SEC24A: variants seen among roughly 807,000 people sequenced by gnomAD.
The protein encoded by SEC24A is SEC24 homolog A, COPII component, also known as protein transport protein Sec24A.
A neutral mutation model predicts 129.4 loss-of-function variants in SEC24A; 93 were observed. The ratio of observed to expected loss-of-function variants is 0.72; its 90% confidence interval spans 0.61 to 0.85. The LOEUF is 0.85. SEC24A is among the 40% of genes least tolerant of loss of function. The probability of loss-of-function intolerance (pLI) is 0.00; values close to 1 mark genes in which losing one functional copy is unlikely to be tolerated. For missense variants in SEC24A, 1,264 were observed against 1,307.4 expected (o/e 0.97, Z 0.51); for synonymous variants, 460 against 467.3 (o/e 0.98, Z 0.20).
rs758037066 is a variant in SEC24A, at chr5:134,677,095, T to C, written c.1254+970T>C. Among the ~76,000 whole-genome samples, 4 of 152,298 alleles carry C rather than the reference T, an allele frequency of 2.6e-5. No individual in the cohort carries two copies. The South Asian group carries it at 6.2e-4, about 24-fold the overall frequency. ...AATTTGTTATTTTAAAAAGTTGTTT[T>C]AAGCCAGACATGGTGGCTCATGGCC... On this transcript the variant is annotated intron_variant, in intron 7 of 22. Transcript: ENST00000398844.
chr5:134,673,143 A>G (rs528052851), intron 4 of SEC24A, among the ~76,000 whole-genome samples: 3 of 143,046 alleles, frequency 2.1e-5, no homozygotes, highest in African/African-American at 7.8e-5. Context: ...GCAACCTCCA[A>G]CTCCCTGGTT....
intron 6 of SEC24A, among the ~76,000 whole-genome samples, chr5:134,675,503 A>T (rs1046051223): frequency 6.6e-6 from 1 of 152,210 alleles, no homozygotes; most frequent in African/African-American, 2.4e-5. Flanking sequence ...TCCAAAGTAC[A>T]GGGATTTGTT....
chr5:134,711,594 C>T (rs1046076281), intron 18 of SEC24A, among the ~76,000 whole-genome samples: 4 of 145,460 alleles, frequency 2.7e-5, no homozygotes, highest in Non-Finnish European at 4.5e-5. Flanking sequence ...TTAACAGTCT[C>T]GCTATGTCGC....
At chr5:134,695,435 TGAG>T (rs1163260585) in intron 13 of SEC24A, among the ~76,000 whole-genome samples, 2 of 151,932 alleles carry the variant, frequency 1.3e-5, no homozygotes, top group Non-Finnish European at 2.9e-5. Context: ...GCGGATAACC[TGAG>T]GTCAGGAGTT....
At chr5:134,693,698 A>T (rs1277683619) in intron 12 of SEC24A, 29 bp from the exon 13 acceptor site, 1 of 1,607,058 alleles carries the variant, frequency 6.2e-7, no homozygotes, top group African/African-American at 1.3e-5. Context: ...TAATTATGAC[A>T]CTTGAGTTTT....
intron 21 of SEC24A, among the ~76,000 whole-genome samples, chr5:134,722,609 T>C (rs572086196): frequency 6.6e-6 from 1 of 151,994 alleles, no homozygotes; most frequent in South Asian, 2.1e-4. Context: ...TAAAAAACAA[T>C]GGCAAAGTTA....
chr5:134,678,223 CTT>C, intron 7 of SEC24A, among the ~76,000 whole-genome samples: 1 of 152,082 alleles, frequency 6.6e-6, no homozygotes, highest in Non-Finnish European at 1.5e-5. Context: ...GTAGGATAAA[CTT>C]TAACTAGGAG....
chr5:134,654,691 G>A (rs1364626699), intron 1 of SEC24A, among the ~76,000 whole-genome samples: 1 of 151,976 alleles, frequency 6.6e-6, no homozygotes, highest in African/African-American at 2.4e-5. Context: ...AACTTGCAAA[G>A]CCAGTTAGAA....
At chr5:134,704,053 TTTA>T in intron 16 of SEC24A, 121 bp downstream of exon 16, 1 of 157,748 alleles carries the variant, frequency 6.3e-6, no homozygotes. Flanking sequence ...AATTGCTGTT[TTTA>T]TTTATTTATT....
At chr5:134,711,435 TGGGAGGCAAAGGC>T (rs1411170421) in intron 18 of SEC24A, among the ~76,000 whole-genome samples, 1 of 151,910 alleles carries the variant, frequency 6.6e-6, no homozygotes, top group Non-Finnish European at 1.5e-5. Flanking sequence ...CCCAGCACCT[TGGGAGGCAAAGGC>T]GGGAGGATTG....
chr5:134,713,497 A>AT (rs943045632), intron 18 of SEC24A, among the ~76,000 whole-genome samples: 76 of 152,110 alleles, frequency 5.0e-4, no homozygotes, highest in African/African-American at 1.7e-3. Flanking sequence ...GAGGACAAGG[A>AT]TTTTTATCTT....
chr5:134,678,771 G>A (rs1269929551), intron 7 of SEC24A, among the ~76,000 whole-genome samples: 2 of 152,124 alleles, frequency 1.3e-5, no homozygotes, highest in Admixed American at 6.5e-5. Context: ...TAGTATAGAC[G>A]AGGTTTCACC....
chr5:134,682,099 C>T (rs1003864049), intron 8 of SEC24A, among the ~76,000 whole-genome samples: 30 of 151,854 alleles, frequency 2.0e-4, no homozygotes, highest in Admixed American at 9.2e-4. Context: ...AAAAATTAGC[C>T]GGGCGTGGTG....
intron 1 of SEC24A, chr5:134,649,379 G>A: frequency 2.2e-6 from 1 of 446,346 alleles, no homozygotes; most frequent in Non-Finnish European, 4.0e-6. Context: ...TTATTTAGTC[G>A]GTCACCAAAA....
chr5:134,705,070 T>TTTTATATATATATATATATATATATA (rs1554141294), intron 16 of SEC24A, among the ~76,000 whole-genome samples: 3 of 133,344 alleles, frequency 2.2e-5, no homozygotes, highest in Non-Finnish European at 3.1e-5. Flanking sequence ...ATATTTATAT[T>TTTTATATATATATATATATATATATA]TATATATATA....
In SEC24A at chr5:134,666,945, T is replaced by C. The variant is rs1397712079; in HGVS notation, c.688T>C (p.Ser230Pro). ...PVRALTPLTS[S>P]YRDVPQPLFN... is the part of the protein sequence containing the mutation. ...GAGGGCCCTCACGCCCCTGACATCATCATATAGAGATGTACCCCAGCCCTT... is the reference window on the plus strand; with the variant it reads ...GAGGGCCCTCACGCCCCTGACATCACCATATAGAGATGTACCCCAGCCCTT... Residue 230 changes from serine to proline, a missense_variant, in exon 3 of 23, where the codon TCA becomes CCA. Ser to Pro is a moderately conservative substitution (Grantham distance 74). Transcript: ENST00000398844. The C allele has an allele frequency of 2.5e-6, 4 of 1,612,586 alleles. No homozygotes were observed. Among genetic ancestry groups the C allele is most frequent in the Non-Finnish European group, 3.4e-6 (4 of 1,179,578 alleles).
intron 15 of SEC24A, among the ~76,000 whole-genome samples, chr5:134,699,488 A>G (rs1233394170): frequency 6.6e-6 from 1 of 150,768 alleles, no homozygotes; most frequent in Non-Finnish European, 1.5e-5. Context: ...TTTAGTAGAG[A>G]CGGGGTTTCA....
intron 7 of SEC24A, among the ~76,000 whole-genome samples, chr5:134,677,724 C>G (rs1166189106): frequency 6.6e-6 from 1 of 151,374 alleles, no homozygotes; most frequent in Non-Finnish European, 1.5e-5. Context: ...ATAATCCCAG[C>G]TACTGGGGAG....
chr5:134,675,177 A>G lies in SEC24A; in HGVS notation c.1111A>G (p.Asn371Asp). The G allele has an allele frequency of 6.2e-7, 1 of 1,613,210 alleles. No homozygotes were observed. Among genetic ancestry groups the G allele is most frequent in the Non-Finnish European group, 8.5e-7 (1 of 1,179,350 alleles). ...AACACCTTTGAAGCCTCCAGTTCCAAATTTGCATGAAGACATCCAGAAACT... is the reference window on the plus strand; with the variant it reads ...AACACCTTTGAAGCCTCCAGTTCCAGATTTGCATGAAGACATCCAGAAACT... The part of the protein sequence containing the change: ...PSTPLKPPVP[N>D]LHEDIQKLNC... The change falls in exon 6 of 23, where the codon AAT (asparagine) becomes GAT (aspartate). Residue 371 changes from asparagine (N) to aspartate (D), a missense_variant. Asn to Asp is a conservative substitution (Grantham distance 23). Transcript: ENST00000398844.
Sources: gnomAD v4.1 joint callset for allele counts (sites outside exome capture counted in the v4.1 genomes callset) on GRCh38, gnomAD v4.1.1 for gene constraint, MANE v1.5 for transcripts, NCBI Gene and HGNC (gene_info 2026-07-23, HGNC 2026-07-21) for gene names.